The following RERE variants were observed in gnomAD, a reference collection of about 807,000 sequenced individuals.
The protein encoded by RERE is arginine-glutamic acid dipeptide repeats, also known as arginine-glutamic acid dipeptide repeats protein.
A neutral mutation model predicts 146.1 loss-of-function variants in RERE; 40 were observed. That is an observed-to-expected ratio of 0.27 (90% CI 0.21 to 0.36). The LOEUF (loss-of-function observed/expected upper bound fraction) is 0.36. Among genes scored for constraint, RERE ranks in the 10% least tolerant of loss-of-function variants. The pLI is 1.00. For synonymous variants in RERE, 1,003 were observed against 866.0 expected, an observed-to-expected ratio of 1.16 and a Z score of -2.78; for missense variants, 1,933 against 2,138.7, an observed-to-expected ratio of 0.90 and a Z score of 1.90.
chr1:8,671,995 C>A (rs1438612732), intron 1 of RERE, among the ~76,000 whole-genome samples: 1 of 152,038 alleles, frequency 6.6e-6, no homozygotes, highest in Non-Finnish European at 1.5e-5. Context: ...CTCAGCCGGG[C>A]GTGGTGGCTC....
rs144998132 is a variant in RERE, at chr1:8,631,507, G to A, written c.326-7127C>T. Among the ~76,000 whole-genome samples, 906 of 152,268 alleles carry A rather than the reference G, an allele frequency of 6.0e-3. 11 individuals are homozygous for A. The highest frequency in any genetic ancestry group is 0.023 in the South Asian group (111 of 4,824). ...TCAATCATATGCTATACAAACTTGC[G>A]AACTCTGTGGAACAAGAAAAAGCAA... On this transcript the variant is annotated intron_variant, in intron 2 of 22. Coordinates refer to ENST00000400908, the MANE Select transcript of RERE (RefSeq NM_001042681.2).
chr1:8,556,638 A>C (rs1256105616), intron 5 of RERE, 67 bp from the exon 6 acceptor site: 14 of 1,036,502 alleles, frequency 1.4e-5, no homozygotes, highest in African/African-American at 3.2e-5. Flanking sequence ...AAAATTTGTA[A>C]AACTTTTCTT....
intron 12 of RERE, among the ~76,000 whole-genome samples, chr1:8,416,933 G>C (rs896723922): frequency 1.3e-5 from 2 of 152,138 alleles, no homozygotes; most frequent in Non-Finnish European, 2.9e-5. Flanking sequence ...AGTGATGAGA[G>C]TGCTGGCCTG....
chr1:8,656,230 C>G lies in RERE; in HGVS notation c.68G>C (p.Arg23Thr), dbSNP rs774339309. 15 of 1,613,660 alleles carry G rather than the reference C, an allele frequency of 9.3e-6. No individual in the cohort carries two copies. The highest frequency in any genetic ancestry group is 1.3e-5 in the African/African-American group (1 of 74,908). The change falls in exon 2 of 23, where the codon AGA becomes ACA. Residue 23 changes from arginine (R) to threonine (T), a missense_variant. Physicochemically the swap from Arg to Thr is moderately conservative, Grantham distance 71. This residue lies in a region of RERE where 107 missense variants were observed against 119.7 expected (regional missense o/e 0.89). Transcript: ENST00000400908. ...CTCTCTTGCTTTGTCTCTTTTCTCT[C>G]TCTCTCGGTCCCGGTCTCGGTCCCG... ...KDRDRDRDRE[R>T]EKRDKARESE...
intron 12 of RERE, among the ~76,000 whole-genome samples, chr1:8,419,915 A>G (rs1447223710): frequency 6.6e-6 from 1 of 152,230 alleles, no homozygotes; most frequent in Non-Finnish European, 1.5e-5. Flanking sequence ...GCAGAGAAAC[A>G]CCATTTTACA....
At chr1:8,381,688 C>G (rs977044182) in intron 12 of RERE, among the ~76,000 whole-genome samples, 2 of 152,202 alleles carry the variant, frequency 1.3e-5, no homozygotes, top group African/African-American at 4.8e-5. Flanking sequence ...TAAGGTTACT[C>G]TCAAAAATGA....
At chr1:8,643,317 A>T (rs1045788049) in intron 2 of RERE, among the ~76,000 whole-genome samples, 1 of 152,190 alleles carries the variant, frequency 6.6e-6, no homozygotes, top group Non-Finnish European at 1.5e-5. Context: ...TTTGCTCATT[A>T]TTGAGCCCAA....
At chr1:8,616,477 T>G (rs560467837) in intron 3 of RERE, among the ~76,000 whole-genome samples, 1 of 152,280 alleles carries the variant, frequency 6.6e-6, no homozygotes, top group South Asian at 2.1e-4. Context: ...AGAATTAAGT[T>G]TGAACAAGAC....
At chr1:8,565,153 CACA>C (rs1303540573) in intron 4 of RERE, among the ~76,000 whole-genome samples, 2 of 151,910 alleles carry the variant, frequency 1.3e-5, no homozygotes, top group South Asian at 2.1e-4. Flanking sequence ...TGATCGACTG[CACA>C]ACATGATTAA....
intron 1 of RERE, among the ~76,000 whole-genome samples, chr1:8,660,347 G>A (rs1004982016): frequency 1.3e-5 from 2 of 152,214 alleles, no homozygotes; most frequent in Admixed American, 6.5e-5. Flanking sequence ...GAGAAGGAGA[G>A]TTGTCACTTC....
At chr1:8,495,018 GA>G (rs1557657584) in intron 10 of RERE, 44 bp downstream of exon 10, 2 of 1,369,614 alleles carry the variant, frequency 1.5e-6, no homozygotes, top group Non-Finnish European at 2.1e-6. Context: ...CAGTTCAGGG[GA>G]AAAAGAAGTG....
At chr1:8,479,597 A>G (rs529181499) in intron 10 of RERE, among the ~76,000 whole-genome samples, 53 of 152,328 alleles carry the variant, frequency 3.5e-4, no homozygotes, top group Admixed American at 2.7e-3. Context: ...GACACACAGA[A>G]GAGAAGGCAG....
intron 1 of RERE, among the ~76,000 whole-genome samples, chr1:8,762,713 C>G (rs184308246): frequency 6.6e-6 from 1 of 152,118 alleles, no homozygotes; most frequent in Non-Finnish European, 1.5e-5. Flanking sequence ...TTCAAGATGA[C>G]CTTAATGACC....
intron 4 of RERE, among the ~76,000 whole-genome samples, chr1:8,585,583 T>C (rs1255674886): frequency 1.3e-5 from 2 of 152,164 alleles, no homozygotes; most frequent in Non-Finnish European, 2.9e-5. Context: ...GTAAGGAAAC[T>C]ATCAAAGATT....
At chr1:8,782,938 GC>G (rs1641192068) in intron 1 of RERE, among the ~76,000 whole-genome samples, 1 of 152,024 alleles carries the variant, frequency 6.6e-6, no homozygotes, top group African/African-American at 2.4e-5. Flanking sequence ...TCTAAACACA[GC>G]CTTCCCATGT....
At chr1:8,701,314 ACACACACACGCACACACTCC>A (rs1202310713) in intron 1 of RERE, among the ~76,000 whole-genome samples, 2 of 99,688 alleles carry the variant, frequency 2.0e-5, no homozygotes, top group African/African-American at 1.1e-4. Context: ...ACACACACAC[ACACACACACGCACACACTCC>A]CTCCCTCCCT....
chr1:8,481,219 C>T (rs1413439888), intron 10 of RERE, among the ~76,000 whole-genome samples: 14 of 152,144 alleles, frequency 9.2e-5, no homozygotes, highest in African/African-American at 2.4e-4. Flanking sequence ...TGGGTTCAAG[C>T]GATTCTCCTG....
chr1:8,445,635 C>G (rs984138481), intron 11 of RERE, among the ~76,000 whole-genome samples: 1 of 152,026 alleles, frequency 6.6e-6, no homozygotes, highest in Non-Finnish European at 1.5e-5. Flanking sequence ...CAGAAGAAGA[C>G]AGATAGACAA....
At chr1:8,564,346 A>C (rs1006706228) in intron 4 of RERE, among the ~76,000 whole-genome samples, 1 of 152,224 alleles carries the variant, frequency 6.6e-6, no homozygotes, top group African/African-American at 2.4e-5. Context: ...ACCCAAGTCT[A>C]AACACAAAAT....
Sources: allele counts gnomAD v4.1 joint callset (sites outside exome capture counted in the v4.1 genomes callset), GRCh38; gene constraint gnomAD v4.1.1; regional missense constraint gnomAD v4.1.1; transcripts MANE v1.5; gene names NCBI Gene and HGNC (gene_info 2026-07-23, HGNC 2026-07-21).